The following PRELID2 variants were observed in gnomAD, a reference collection of about 807,000 sequenced individuals.
The protein encoded by PRELID2 is PRELI domain containing 2, also known as PRELI domain-containing protein 2.
PRELID2 carries 25 observed loss-of-function variants against 28.4 expected under a neutral mutation model. The ratio of observed to expected loss-of-function variants is 0.88; its 90% confidence interval spans 0.64 to 1.23. The LOEUF (loss-of-function observed/expected upper bound fraction) is 1.23. Among genes scored for constraint, PRELID2 ranks in the 50% most tolerant of loss-of-function variants. The pLI is 0.00. For synonymous variants in PRELID2, 76 were observed against 71.6 expected, an observed-to-expected ratio of 1.06 and a Z score of -0.31; for missense variants, 201 against 214.4, an observed-to-expected ratio of 0.94 and a Z score of 0.39.
Position 145,809,332 on chromosome 5 carries a change from G to A in PRELID2, c.368+8562C>T, listed in dbSNP as rs924604265. On this transcript the variant is annotated intron_variant, in intron 4 of 6. Transcript: ENST00000683046. ...GCCGGGATTACAGGCATGAGCCACC[G>A]TGCCCGGCCCCTTCATCAAGTCTTG... is the stretch of plus-strand genomic sequence containing the variant. Among the ~76,000 whole-genome samples the A allele has an allele frequency of 1.2e-4, 18 of 152,348 alleles. No homozygotes were observed. In the East Asian group the frequency reaches 1.5e-3, roughly 13 times the overall value.
At chr5:145,506,849 C>T (rs1752416825) in intron 1 of PRELID2, among the ~76,000 whole-genome samples, 1 of 152,192 alleles carries the variant, frequency 6.6e-6, no homozygotes, top group African/African-American at 2.4e-5. Flanking sequence ...GTTTCAATGC[C>T]ACCTCCTCAG....
rs749196527 is a variant in PRELID2, at chr5:145,759,594, T to A, written c.*942A>T. 1 of 152,254 alleles carries A rather than the reference T, an allele frequency of 6.6e-6. No homozygotes were observed. Among genetic ancestry groups the A allele is most frequent in the East Asian group, 1.9e-4 (1 of 5,204 alleles). 9.4% of individuals were successfully genotyped at this position (152,254 alleles called of 1,614,324 possible). A position where few individuals can be genotyped will look rare whatever the true frequency, so the allele number is the denominator to read the frequency against. ...ATCTCACAAAATTAATTCTATCATC[T>A]TGTTTCACAAATTTTTTTAAATGAG... On this transcript the variant is annotated 3_prime_UTR_variant, in exon 7 of 7. Transcript: ENST00000683046.
At chr5:145,820,827 G>A (rs571204411) in intron 2 of PRELID2, among the ~76,000 whole-genome samples, 5 of 152,218 alleles carry the variant, frequency 3.3e-5, no homozygotes, top group African/African-American at 1.2e-4. Flanking sequence ...TTCCTAAACA[G>A]GAAAAAGCTA....
intron 1 of PRELID2, among the ~76,000 whole-genome samples, chr5:145,597,627 C>G (rs1418855698): frequency 1.3e-5 from 2 of 152,106 alleles, no homozygotes; most frequent in African/African-American, 4.8e-5. Flanking sequence ...CTTTCTCACC[C>G]AGACAAACAT....
chr5:145,591,020 G>GC (rs1753219231), intron 1 of PRELID2, among the ~76,000 whole-genome samples: 2 of 152,150 alleles, frequency 1.3e-5, no homozygotes, highest in Admixed American at 1.3e-4. Flanking sequence ...CCTTGGCTAG[G>GC]CATGGTGGCT....
Position 145,821,223 on chromosome 5 carries a change from G to GTGTGTGTATGTGTGTGTAAGCCCTCTTC in PRELID2, c.134-1233_134-1206dup, listed in dbSNP as rs1433360836. ...TGTGTGTGTGTAAGTCCTCTTCTGTGTGTGTGTATGTGTGTGTAAGCCCTC... is the reference window on the plus strand; with the variant it reads ...TGTGTGTGTGTAAGTCCTCTTCTGTGTGTGTGTATGTGTGTGTAAGCCCTCTTCTGTGTGTATGTGTGTGTAAGCCCTC... On this transcript the variant is annotated intron_variant, in intron 2 of 6. Transcript: ENST00000683046. Among the ~76,000 whole-genome samples, 4 of 143,484 alleles carry GTGTGTGTATGTGTGTGTAAGCCCTCTTC rather than the reference G, an allele frequency of 2.8e-5. No homozygotes were observed. In the Admixed American group the frequency reaches 2.8e-4, roughly 10 times the overall value. 94.1% of individuals were successfully genotyped at this position (143,484 alleles called of 152,430 possible).
At chr5:145,634,551 A>G (rs1267975564) in intron 1 of PRELID2, among the ~76,000 whole-genome samples, 2 of 152,162 alleles carry the variant, frequency 1.3e-5, no homozygotes, top group East Asian at 1.9e-4. Context: ...ACTCCAAGTC[A>G]GTTCCTTAGA....
downstream of PRELID2, among the ~76,000 whole-genome samples, chr5:145,467,561 G>A (rs1032768053): frequency 2.9e-4 from 44 of 152,098 alleles, no homozygotes; most frequent in Non-Finnish European, 1.3e-4. Context: ...TATCTACCAC[G>A]TATCAGAGAC....
chr5:145,569,215 G>T (rs763561002), intron 1 of PRELID2, among the ~76,000 whole-genome samples: 1 of 152,164 alleles, frequency 6.6e-6, no homozygotes, highest in Non-Finnish European at 1.5e-5. Context: ...AACAATCAAA[G>T]TGTCTCAAAT....
the PRELID2 span, among the ~76,000 whole-genome samples, chr5:145,419,847 G>C: frequency 1.3e-5 from 2 of 149,346 alleles, no homozygotes; most frequent in African/African-American, 5.1e-5. Context: ...TTTCTTCTAG[G>C]GTTTTTATGG....
At chr5:145,702,452 C>G (rs564054041) in intron 1 of PRELID2, among the ~76,000 whole-genome samples, 74 of 152,260 alleles carry the variant, frequency 4.9e-4, no homozygotes, top group African/African-American at 1.7e-3. Flanking sequence ...TCTTGGATCC[C>G]TCCTTGGGGA....
the PRELID2 span, among the ~76,000 whole-genome samples, chr5:145,394,837 G>T: frequency 6.6e-6 from 1 of 152,140 alleles, no homozygotes; most frequent in Non-Finnish European, 1.5e-5. Flanking sequence ...TTTATCAGTT[G>T]TGAATTTGGG....
At chr5:145,402,808 C>T in the PRELID2 span, among the ~76,000 whole-genome samples, 35 of 152,262 alleles carry the variant, frequency 2.3e-4, no homozygotes, top group African/African-American at 8.4e-4. Flanking sequence ...GCAGGCACAA[C>T]AGACTGAATC....
chr5:145,466,450 T>C, the PRELID2 span, among the ~76,000 whole-genome samples: 1 of 152,162 alleles, frequency 6.6e-6, no homozygotes, highest in Non-Finnish European at 1.5e-5. Flanking sequence ...GTGCTGGTAA[T>C]TAAAGTCAAA....
the PRELID2 span, among the ~76,000 whole-genome samples, chr5:145,358,682 G>T: frequency 6.6e-6 from 1 of 152,086 alleles, no homozygotes; most frequent in Non-Finnish European, 1.5e-5. Context: ...ATACCCAAAA[G>T]ATAAAATCCA....
the PRELID2 span, among the ~76,000 whole-genome samples, chr5:145,376,063 A>G: frequency 1.3e-5 from 2 of 152,098 alleles, no homozygotes; most frequent in Non-Finnish European, 2.9e-5. Context: ...ATTTTGAGGT[A>G]TTTGCCTTTA....
At chr5:145,730,597 T>A (rs187318861) in intron 1 of PRELID2, among the ~76,000 whole-genome samples, 65 of 152,248 alleles carry the variant, frequency 4.3e-4, no homozygotes, top group Admixed American at 3.4e-3. Flanking sequence ...CTACTCAGCA[T>A]CCACATCACA....
rs757365618 is a variant in PRELID2, at chr5:145,520,455, GCA to G, written n.71-47142_71-47141del. On this transcript the variant is annotated intron_variant and non_coding_transcript_variant, in intron 1 of 2. Coordinates refer to the PRELID2 transcript ENST00000510259. ...TCTCCCCTTCCCACGCTGAACCACA[GCA>G]CACACAAGCCTTCTTCAGTTTCCCA... Among the ~76,000 whole-genome samples, 6 of 152,250 alleles carry G rather than the reference GCA, an allele frequency of 3.9e-5. No individual in the cohort carries two copies. The South Asian group carries it at 1.0e-3, about 26-fold the overall frequency.
the PRELID2 span, among the ~76,000 whole-genome samples, chr5:145,281,498 A>G: frequency 3.3e-5 from 5 of 152,200 alleles, no homozygotes; most frequent in African/African-American, 9.6e-5. Context: ...AAGTGACCCT[A>G]TAGCGCTAAG....
Sources: allele counts gnomAD v4.1 joint callset (sites outside exome capture counted in the v4.1 genomes callset), GRCh38; gene constraint gnomAD v4.1.1; transcripts MANE v1.5; gene names NCBI Gene and HGNC (gene_info 2026-07-23, HGNC 2026-07-21).